The following TRAPPC9 variants were observed in gnomAD, a reference collection of about 807,000 sequenced individuals.
The protein encoded by TRAPPC9 is IKK2 binding protein.
A neutral mutation model predicts 124.0 loss-of-function variants in TRAPPC9; 83 were observed. The observed-to-expected ratio is 0.67, with a 90% CI of 0.56 to 0.80. TRAPPC9 has a LOEUF of 0.80. Among genes scored for constraint, TRAPPC9 ranks in the 30% least tolerant of loss-of-function variants. TRAPPC9 has a pLI of 0.00. For missense variants in TRAPPC9, 1,302 were observed against 1,508.3 expected (o/e 0.86, Z 2.27); for synonymous variants, 638 against 617.5 (o/e 1.03, Z -0.49).
At chr8:140,432,011 T>C (rs2070663478) in intron 4 of TRAPPC9, among the ~76,000 whole-genome samples, 1 of 152,200 alleles carries the variant, frequency 6.6e-6, no homozygotes, top group African/African-American at 2.4e-5. Context: ...ATAACTAGAA[T>C]ACTTTTCCAG....
chr8:140,125,046 T>C (rs1248758466), intron 17 of TRAPPC9, among the ~76,000 whole-genome samples: 4 of 152,190 alleles, frequency 2.6e-5, no homozygotes, highest in Non-Finnish European at 5.9e-5. Flanking sequence ...ACACTGCTCT[T>C]CACATTCTTC....
At chr8:140,345,746 G>A (rs1283499735) in intron 9 of TRAPPC9, among the ~76,000 whole-genome samples, 2 of 152,232 alleles carry the variant, frequency 1.3e-5, no homozygotes, top group East Asian at 3.8e-4. Flanking sequence ...AACACTCGGG[G>A]AGGAAGAGGA....
chr8:139,945,876 A>C (rs147645532), intron 19 of TRAPPC9, among the ~76,000 whole-genome samples: 127 of 152,384 alleles, frequency 8.3e-4, no homozygotes, highest in Non-Finnish European at 1.6e-3. Flanking sequence ...ATGATGGACT[A>C]ACAGATGGAT....
At chr8:140,429,874 TG>T (rs2070571563) in intron 4 of TRAPPC9, among the ~76,000 whole-genome samples, 2 of 151,272 alleles carry the variant, frequency 1.3e-5, no homozygotes. Context: ...CAGCCAGGTG[TG>T]GTGGCTCACG....
chr8:140,306,880 C>T (rs2066152628), intron 10 of TRAPPC9, among the ~76,000 whole-genome samples: 1 of 152,166 alleles, frequency 6.6e-6, no homozygotes, highest in African/African-American at 2.4e-5. Context: ...AAACCGAAAC[C>T]AGGACTTTTG....
intron 17 of TRAPPC9, among the ~76,000 whole-genome samples, chr8:140,219,933 G>A (rs766675936): frequency 2.6e-5 from 4 of 152,182 alleles, no homozygotes; most frequent in Non-Finnish European, 4.4e-5. Context: ...GATCCATCGG[G>A]GAATGGTGGA....
At chr8:139,826,030 G>C (rs1203812427) in intron 21 of TRAPPC9, among the ~76,000 whole-genome samples, 1 of 152,214 alleles carries the variant, frequency 6.6e-6, no homozygotes, top group Non-Finnish European at 1.5e-5. Context: ...AGCCCATTCT[G>C]CCTGGTGGGC....
At chr8:139,759,609 C>T (rs371541684) in intron 21 of TRAPPC9, among the ~76,000 whole-genome samples, 24 of 152,282 alleles carry the variant, frequency 1.6e-4, no homozygotes, top group African/African-American at 4.8e-4. Flanking sequence ...ATTTTTCAGA[C>T]GAGGCTGAGA....
chr8:139,983,132 A>G (rs1479987356), intron 19 of TRAPPC9, among the ~76,000 whole-genome samples: 2 of 152,118 alleles, frequency 1.3e-5, no homozygotes, highest in Admixed American at 6.5e-5. Flanking sequence ...AGCTTGAGAA[A>G]AACCCTTTGC....
chr8:140,013,200 G>A (rs1839247045), intron 18 of TRAPPC9, among the ~76,000 whole-genome samples: 5 of 152,238 alleles, frequency 3.3e-5, no homozygotes, highest in South Asian at 2.1e-4. Flanking sequence ...AGCCCATCAA[G>A]CCCATCACAG....
At chr8:140,251,433 CT>C (rs1472052124) in intron 16 of TRAPPC9, among the ~76,000 whole-genome samples, 1 of 152,214 alleles carries the variant, frequency 6.6e-6, no homozygotes, top group East Asian at 1.9e-4. Flanking sequence ...ATCCTCTCAA[CT>C]TTTTTCATTT....
intron 17 of TRAPPC9, among the ~76,000 whole-genome samples, chr8:140,193,144 C>T (rs1191182114): frequency 6.6e-6 from 1 of 152,190 alleles, no homozygotes; most frequent in East Asian, 1.9e-4. Context: ...AACACCTCTG[C>T]CACATATACC....
intron 17 of TRAPPC9, among the ~76,000 whole-genome samples, chr8:140,065,903 A>G (rs1842874745): frequency 6.6e-6 from 1 of 152,236 alleles, no homozygotes; most frequent in Non-Finnish European, 1.5e-5. Context: ...TTGCCAATGT[A>G]TCTTTACATG....
rs35832271 is a variant in TRAPPC9, at chr8:140,115,270, G to GT, written c.2557-91192dup. ...TGCTTTGTAAACAGTTGTTATAATG[G>GT]TTTTTTTTTTTTTTTTAGATGGAGT... On this transcript the variant is annotated intron_variant, in intron 17 of 22. Transcript: ENST00000438773. Among the ~76,000 whole-genome samples the GT allele has an allele frequency of 5.9e-3, 840 of 142,480 alleles. 4 individuals are homozygous for GT. The highest frequency in any genetic ancestry group is 0.028 in the East Asian group (136 of 4,884). The allele number at this position is 142,480 out of a possible 152,430, so 93.5% of individuals were successfully genotyped here.
At chr8:140,247,070 A>G (rs1400593419) in intron 16 of TRAPPC9, among the ~76,000 whole-genome samples, 1 of 152,246 alleles carries the variant, frequency 6.6e-6, no homozygotes, top group Non-Finnish European at 1.5e-5. Context: ...AGAGCAGATT[A>G]CCATGACATA....
intron 9 of TRAPPC9, among the ~76,000 whole-genome samples, chr8:140,345,827 G>A (rs761205898): frequency 1.3e-5 from 2 of 152,226 alleles, no homozygotes; most frequent in Non-Finnish European, 2.9e-5. Context: ...GGTCACGGGA[G>A]CAGGAAGGGA....
intron 21 of TRAPPC9, among the ~76,000 whole-genome samples, chr8:139,871,800 TG>T (rs1323348651): frequency 6.6e-6 from 1 of 152,006 alleles, no homozygotes; most frequent in Non-Finnish European, 1.5e-5. Context: ...AATATGTGGG[TG>T]GGTAGGTGGG....
intron 19 of TRAPPC9, among the ~76,000 whole-genome samples, chr8:139,988,295 T>C (rs1837385922): frequency 6.6e-6 from 1 of 151,888 alleles, no homozygotes; most frequent in African/African-American, 2.4e-5. Context: ...GTATTTTTAG[T>C]AGAGACGGGG....
chr8:140,254,037 C>A (rs2064190272), intron 15 of TRAPPC9, among the ~76,000 whole-genome samples: 1 of 152,138 alleles, frequency 6.6e-6, no homozygotes, highest in African/African-American at 2.4e-5. Context: ...AGGAAGGGGA[C>A]ATGGGGAGGC....
Sources: allele counts gnomAD v4.1 joint callset (sites outside exome capture counted in the v4.1 genomes callset), GRCh38; gene constraint gnomAD v4.1.1; transcripts MANE v1.5; gene names NCBI Gene and HGNC (gene_info 2026-07-23, HGNC 2026-07-21).